Variants in LOC128462377 observed in about 807,000 individuals in gnomAD.
chr16:89,323,255 C>G, the LOC128462377 span: 3 of 1,256,654 alleles, frequency 2.4e-6, no homozygotes, highest in Middle Eastern at 2.2e-4. Context: ...GGAAAAAGAG[C>G]TGCATACCTG....
the LOC128462377 span, among the ~76,000 whole-genome samples, chr16:89,395,202 A>G: frequency 1.3e-5 from 2 of 152,240 alleles, no homozygotes; most frequent in African/African-American, 4.8e-5. Flanking sequence ...GTCAATTTTA[A>G]GGCAGCGTCT....
At chr16:89,318,153 G>A in the LOC128462377 span, among the ~76,000 whole-genome samples, 1 of 152,138 alleles carries the variant, frequency 6.6e-6, no homozygotes, top group African/African-American at 2.4e-5. Flanking sequence ...CGGTGCGAGC[G>A]CACTTCTTCC....
chr16:89,334,903 C>A, the LOC128462377 span, among the ~76,000 whole-genome samples: 1 of 152,108 alleles, frequency 6.6e-6, no homozygotes, highest in African/African-American at 2.4e-5. Flanking sequence ...CTGTGGCCTT[C>A]TGCATGCATG....
At chr16:89,333,689 T>C in the LOC128462377 span, among the ~76,000 whole-genome samples, 1 of 152,216 alleles carries the variant, frequency 6.6e-6, no homozygotes, top group East Asian at 1.9e-4. Flanking sequence ...CTTGTAATAG[T>C]CTGTCGTCTG....
At chr16:89,337,007 C>CAAAA in the LOC128462377 span, among the ~76,000 whole-genome samples, 2,101 of 47,736 alleles carry the variant, frequency 0.044, 114 homozygotes, top group Non-Finnish European at 0.066. Context: ...CTGGCTCTAC[C>CAAAA]AAAAAAAAAA....
chr16:89,401,476 GAGTAATCCTTATTTTGTAAAA>G, the LOC128462377 span, among the ~76,000 whole-genome samples: 1 of 152,200 alleles, frequency 6.6e-6, no homozygotes, highest in East Asian at 1.9e-4. Flanking sequence ...CTTATATCCA[GAGTAATCCTTATTTTGTAAAA>G]AGTACATGAT....
the LOC128462377 span, among the ~76,000 whole-genome samples, chr16:89,320,945 G>A: frequency 2.6e-5 from 4 of 152,334 alleles, no homozygotes; most frequent in East Asian, 3.9e-4. Context: ...CAGGAACAAC[G>A]ATGGCCTGCT....
the LOC128462377 span, among the ~76,000 whole-genome samples, chr16:89,333,115 T>C: frequency 6.6e-6 from 1 of 152,206 alleles, no homozygotes; most frequent in South Asian, 2.1e-4. Flanking sequence ...ACAGACTCAG[T>C]GGCCAAGCTC....
At chr16:89,319,029 G>A in the LOC128462377 span, among the ~76,000 whole-genome samples, 2 of 152,250 alleles carry the variant, frequency 1.3e-5, no homozygotes, top group African/African-American at 4.8e-5. Context: ...GCTCATGGCT[G>A]TCTAGAAACT....
the LOC128462377 span, among the ~76,000 whole-genome samples, chr16:89,388,465 C>T: frequency 6.6e-6 from 1 of 151,922 alleles, no homozygotes; most frequent in African/African-American, 2.4e-5. Context: ...TGAAAATCGA[C>T]ACGGAATAGA....
chr16:89,416,375 C>A, the LOC128462377 span, among the ~76,000 whole-genome samples: 3 of 152,164 alleles, frequency 2.0e-5, no homozygotes, highest in South Asian at 2.1e-4. Flanking sequence ...TCTTGGCTCA[C>A]TGAAACCTCC....
At chr16:89,361,208 G>C in the LOC128462377 span, among the ~76,000 whole-genome samples, 6 of 152,160 alleles carry the variant, frequency 3.9e-5, no homozygotes, top group Non-Finnish European at 5.9e-5. Flanking sequence ...GCACCCCTTA[G>C]GAAACCCCAG....
the LOC128462377 span, among the ~76,000 whole-genome samples, chr16:89,387,976 G>A: frequency 2.4e-3 from 352 of 147,928 alleles, 2 homozygotes; most frequent in African/African-American, 6.7e-3. Context: ...TGGTGCCACC[G>A]CACTCCAGCC....
the LOC128462377 span, chr16:89,324,165 C>A: frequency 1.8e-6 from 2 of 1,110,328 alleles, no homozygotes; most frequent in Middle Eastern, 3.1e-4. Flanking sequence ...CTCACATTTT[C>A]TGTTATCACG....
the LOC128462377 span, among the ~76,000 whole-genome samples, chr16:89,359,185 C>T: frequency 6.6e-6 from 1 of 152,092 alleles, no homozygotes; most frequent in Non-Finnish European, 1.5e-5. Flanking sequence ...GAAACAAGAT[C>T]ACGGAAATGC....
At chr16:89,378,033 G>T in the LOC128462377 span, among the ~76,000 whole-genome samples, 5 of 152,020 alleles carry the variant, frequency 3.3e-5, no homozygotes, top group African/African-American at 1.2e-4. Context: ...TTTACTGTAA[G>T]AATACAGTAT....
chr16:89,317,087 G>T, the LOC128462377 span: 1 of 1,503,876 alleles, frequency 6.6e-7, no homozygotes. Context: ...TGCTTCAAAA[G>T]AGAAGACACA....
the LOC128462377 span, among the ~76,000 whole-genome samples, chr16:89,322,895 G>C: frequency 6.6e-6 from 1 of 152,354 alleles, no homozygotes; most frequent in South Asian, 2.1e-4. Flanking sequence ...CCAGGCTGGA[G>C]TGCAGCGGTG....
At chr16:89,398,109 C>G in the LOC128462377 span, among the ~76,000 whole-genome samples, 3 of 150,682 alleles carry the variant, frequency 2.0e-5, no homozygotes, top group Non-Finnish European at 4.4e-5. Flanking sequence ...CCTCAGCGCT[C>G]TGGGAGGCTG....
Sources: allele counts gnomAD v4.1 joint callset (sites outside exome capture counted in the v4.1 genomes callset), GRCh38; gene constraint gnomAD v4.1.1; transcripts MANE v1.5.